Variants in PARD3 observed in about 807,000 individuals in gnomAD.
The protein encoded by PARD3 is partitioning defective 3 homolog.
PARD3 carries 75 observed loss-of-function variants against 155.4 expected under a neutral mutation model. The ratio of observed to expected loss-of-function variants is 0.48; its 90% CI spans 0.40 to 0.58. The LOEUF is 0.58. PARD3 is among the 20% of genes least tolerant of loss of function. The probability of loss-of-function intolerance (pLI) is 0.00; values close to 1 mark genes in which losing one functional copy is unlikely to be tolerated. For synonymous variants in PARD3, 576 were observed against 610.5 expected, an observed-to-expected ratio of 0.94 and a Z score of 0.83; for missense variants, 1,642 against 1,721.7, an observed-to-expected ratio of 0.95 and a Z score of 0.82.
chr10:34,190,946 C>T (rs765618601), intron 22 of PARD3, among the ~76,000 whole-genome samples: 9 of 151,760 alleles, frequency 5.9e-5, no homozygotes, highest in East Asian at 1.9e-4. Flanking sequence ...GTGTGGAATG[C>T]GGGGAGGAGA....
intron 21 of PARD3, among the ~76,000 whole-genome samples, chr10:34,278,551 C>G (rs979191266): frequency 3.9e-5 from 6 of 152,096 alleles, no homozygotes; most frequent in Non-Finnish European, 7.3e-5. Context: ...GTTTCCCCCT[C>G]CTGTTCTTGT....
chr10:34,422,150 A>G (rs2075345950), intron 5 of PARD3, among the ~76,000 whole-genome samples: 1 of 152,174 alleles, frequency 6.6e-6, no homozygotes, highest in Admixed American at 6.6e-5. Context: ...CTATGCAGTT[A>G]TAATTTAGTA....
chr10:34,677,388 G>A (rs372395124), intron 2 of PARD3, among the ~76,000 whole-genome samples: 29 of 151,746 alleles, frequency 1.9e-4, no homozygotes, highest in African/African-American at 5.3e-4. Context: ...GCTGAGGTGG[G>A]AGGACTGCTT....
At chr10:34,762,944 C>T (rs975559190) in intron 1 of PARD3, among the ~76,000 whole-genome samples, 1 of 152,234 alleles carries the variant, frequency 6.6e-6, no homozygotes, top group East Asian at 1.9e-4. Context: ...AACATTATCA[C>T]ATGATTCAAA....
rs184538852 is a variant in PARD3, at chr10:34,431,865, C to T, written c.714+18452G>A. ...AAGATCGAGACCATCCTGGCTAACA[C>T]GGTGAAACCCCGTATCTACTAAAAA... is the stretch of plus-strand genomic sequence containing the variant. On this transcript the variant is annotated intron_variant, in intron 5 of 24. Transcript: ENST00000374788. 1.5e-3 allele frequency among the ~76,000 whole-genome samples: 230 copies of T among 148,968 alleles called. 1 individual carries two copies. The highest frequency in any genetic ancestry group is 3.0e-3 in the South Asian group (14 of 4,732).
chr10:34,346,532 G>T, intron 15 of PARD3: 1 of 1,259,790 alleles, frequency 7.9e-7, no homozygotes, highest in Non-Finnish European at 1.0e-6. Flanking sequence ...TCTCTCAAGG[G>T]GACTGAAATT....
At chr10:34,658,801 G>A (rs1416154759) in intron 2 of PARD3, among the ~76,000 whole-genome samples, 9 of 152,088 alleles carry the variant, frequency 5.9e-5, no homozygotes, top group Non-Finnish European at 1.2e-4. Context: ...ACAAATGGCT[G>A]AACTGCAGCT....
intron 2 of PARD3, among the ~76,000 whole-genome samples, chr10:34,685,835 C>A (rs2093947935): frequency 6.6e-6 from 1 of 152,140 alleles, no homozygotes; most frequent in Admixed American, 6.6e-5. Context: ...CTCAAATGAT[C>A]CACCTGCCTC....
chr10:34,536,117 T>A (rs1192257782), intron 2 of PARD3, among the ~76,000 whole-genome samples: 1 of 152,200 alleles, frequency 6.6e-6, no homozygotes, highest in Admixed American at 6.5e-5. Flanking sequence ...TTGAAAGACT[T>A]TGGTGTCTCT....
intron 3 of PARD3, among the ~76,000 whole-genome samples, chr10:34,509,906 A>G (rs1327256227): frequency 2.6e-5 from 4 of 152,254 alleles, no homozygotes; most frequent in Non-Finnish European, 5.9e-5. Flanking sequence ...CACAAGGCTG[A>G]GAACATAAAT....
At chr10:34,608,985 T>C (rs1392482212) in intron 2 of PARD3, among the ~76,000 whole-genome samples, 1 of 152,182 alleles carries the variant, frequency 6.6e-6, no homozygotes, top group Non-Finnish European at 1.5e-5. Flanking sequence ...ATGAGGACCT[T>C]GGGCATCTTC....
intron 2 of PARD3, chr10:34,675,867 G>A (rs947604885): frequency 2.0e-5 from 4 of 199,982 alleles, no homozygotes; most frequent in South Asian, 9.1e-5. Flanking sequence ...ACACACACGC[G>A]CTCATCACAG....
At chr10:34,523,457 T>C (rs145488845) in intron 2 of PARD3, among the ~76,000 whole-genome samples, 1,966 of 152,350 alleles carry the variant, frequency 0.013, 19 homozygotes, top group Non-Finnish European at 0.018. Context: ...CATCATATTT[T>C]GGCCCTGGAT....
chr10:34,198,184 C>T (rs540371357), intron 22 of PARD3, among the ~76,000 whole-genome samples: 1 of 151,706 alleles, frequency 6.6e-6, no homozygotes, highest in East Asian at 1.9e-4. Flanking sequence ...ACTTTCTAGC[C>T]AATTTTAAAA....
intron 1 of PARD3, among the ~76,000 whole-genome samples, chr10:34,718,287 G>A (rs2094552136): frequency 6.6e-6 from 1 of 151,888 alleles, no homozygotes; most frequent in Non-Finnish European, 1.5e-5. Context: ...AAACACTAAA[G>A]ACAAAGAACG....
intron 22 of PARD3, among the ~76,000 whole-genome samples, chr10:34,204,713 T>C (rs1027128591): frequency 1.3e-5 from 2 of 152,154 alleles, no homozygotes; most frequent in Non-Finnish European, 2.9e-5. Flanking sequence ...CCCCCTACAA[T>C]AAGAGGATCT....
chr10:34,289,441 C>A (rs1037425395), intron 20 of PARD3, among the ~76,000 whole-genome samples: 4 of 152,114 alleles, frequency 2.6e-5, no homozygotes, highest in Non-Finnish European at 5.9e-5. Flanking sequence ...CCACCCGCAC[C>A]AGATTCCCAA....
intron 1 of PARD3, among the ~76,000 whole-genome samples, chr10:34,697,772 C>CACACACACAT (rs1491578812): frequency 8.2e-6 from 1 of 122,600 alleles, no homozygotes; most frequent in Non-Finnish European, 1.6e-5. Context: ...AACAAACACT[C>CACACACACAT]ACACACACAC....
chr10:34,794,306 T>C (rs1001058129), intron 1 of PARD3, among the ~76,000 whole-genome samples: 1 of 152,248 alleles, frequency 6.6e-6, no homozygotes, highest in Non-Finnish European at 1.5e-5. Context: ...TGCAATGCCA[T>C]ACCTCTAAAA....
Sources: gnomAD v4.1 joint callset for allele counts (sites outside exome capture counted in the v4.1 genomes callset) on GRCh38, gnomAD v4.1.1 for gene constraint, MANE v1.5 for transcripts, NCBI Gene and HGNC (gene_info 2026-07-23, HGNC 2026-07-21) for gene names.